Variants in ABCA13 observed in about 807,000 individuals in gnomAD.
ABCA13 encodes ATP binding cassette subfamily A member 13.
A neutral mutation model predicts 478.7 loss-of-function variants in ABCA13; 476 were observed. The ratio of observed to expected loss-of-function variants is 0.99; its 90% confidence interval spans 0.92 to 1.07. The LOEUF (loss-of-function observed/expected upper bound fraction) is 1.07. Ranked by LOEUF, ABCA13 falls within the 50% of genes least tolerant of loss-of-function variation. ABCA13 has a pLI of 0.00. For missense variants in ABCA13, 6,060 were observed against 5,910.6 expected, an observed-to-expected ratio of 1.03 and a Z score of -0.83; for synonymous variants, 2,252 against 2,158.9, an observed-to-expected ratio of 1.04 and a Z score of -1.20.
intron 43 of ABCA13, among the ~76,000 whole-genome samples, chr7:48,464,924 T>C (rs187252533): frequency 6.6e-6 from 1 of 152,306 alleles, no homozygotes; most frequent in East Asian, 1.9e-4. Context: ...GGACTTATTA[T>C]GGAATCGGTG....
chr7:48,623,197 A>G (rs2131600823), intron 59 of ABCA13, among the ~76,000 whole-genome samples: 1 of 152,284 alleles, frequency 6.6e-6, no homozygotes, highest in East Asian at 1.9e-4. Flanking sequence ...CAAAATTTTA[A>G]TATCTTTTCC....
intron 29 of ABCA13, among the ~76,000 whole-genome samples, chr7:48,339,790 A>ATGT (rs1806840013): frequency 6.6e-6 from 1 of 152,094 alleles, no homozygotes; most frequent in Non-Finnish European, 1.5e-5. Flanking sequence ...ATCCAGGTGA[A>ATGT]TGTTGGTTAT....
At chr7:48,291,482 C>T (rs1019767268) in intron 20 of ABCA13, among the ~76,000 whole-genome samples, 17 of 152,012 alleles carry the variant, frequency 1.1e-4, no homozygotes, top group East Asian at 7.7e-4. Flanking sequence ...GAGCTGGGGA[C>T]GGGTTAGGTT....
At chr7:48,356,789 A>G (rs1467298991) in intron 31 of ABCA13, among the ~76,000 whole-genome samples, 4 of 151,984 alleles carry the variant, frequency 2.6e-5, no homozygotes, top group Non-Finnish European at 2.9e-5. Flanking sequence ...GGCAGTTATC[A>G]TAGAATAATT....
At position 48,229,690 on chromosome 7, in the gene ABCA13, A is replaced by G. The variant is rs1788765531; in HGVS notation, c.633-135A>G. 7.2e-6 allele frequency: 7 copies of G among 966,154 alleles called. No homozygotes were observed. The East Asian group carries it at 1.7e-4, about 24-fold the overall frequency. The allele number at this position is 966,154 out of a possible 1,614,324, so 59.8% of individuals were successfully genotyped here. ...CACATTAAAGCCACAAAGAATGCTG[A>G]CATGTAAATGGTCCAGCCACATCTT... On this transcript the variant is annotated intron_variant, in intron 6 of 61. Coordinates refer to ENST00000435803, the MANE Select transcript of ABCA13 (RefSeq NM_152701.5).
chr7:48,623,405 A>G (rs192094012), intron 59 of ABCA13, among the ~76,000 whole-genome samples: 62 of 152,314 alleles, frequency 4.1e-4, no homozygotes, highest in African/African-American at 1.3e-3. Flanking sequence ...TGATGATAAC[A>G]TAATCGATTT....
At chr7:48,239,075 C>G (rs1167978218) in intron 8 of ABCA13, among the ~76,000 whole-genome samples, 166 bp from the exon 9 acceptor site, 2 of 151,728 alleles carry the variant, frequency 1.3e-5, no homozygotes, top group African/African-American at 4.8e-5. Flanking sequence ...TTTTTTTTAA[C>G]TACCAAGTCT....
In ABCA13 at chr7:48,536,625, G is replaced by A. The variant is rs996439922; in HGVS notation, c.14354+8280G>A. On this transcript the variant is annotated intron_variant, in intron 55 of 61. Coordinates refer to ENST00000435803, the MANE Select transcript of ABCA13 (RefSeq NM_152701.5). ...ATCACACCACTGCACCCCAGCCTGGGTGACAGAGTGAGACTCCATCTCAAA... is the reference window on the plus strand; with the variant it reads ...ATCACACCACTGCACCCCAGCCTGGATGACAGAGTGAGACTCCATCTCAAA... Among the ~76,000 whole-genome samples the A allele has an allele frequency of 2.6e-5, 4 of 151,294 alleles. 1 individual carries two copies. Among genetic ancestry groups the A allele is most frequent in the African/African-American group, 9.7e-5 (4 of 41,072 alleles).
intron 2 of ABCA13, 59 bp from the exon 3 acceptor site, chr7:48,198,178 G>A: frequency 6.6e-7 from 1 of 1,516,428 alleles, no homozygotes; most frequent in Non-Finnish European, 8.9e-7. Context: ...CAACTCAACA[G>A]GAATTCCATT....
chr7:48,233,917 C>T (rs1332522352), intron 7 of ABCA13, 101 bp from the exon 8 acceptor site: 4 of 1,374,460 alleles, frequency 2.9e-6, no homozygotes, highest in Non-Finnish European at 3.9e-6. Context: ...TTCATTTGCT[C>T]TTCCTTTAGA....
chr7:48,388,697 A>T (rs1388525688), intron 36 of ABCA13, among the ~76,000 whole-genome samples: 1 of 152,200 alleles, frequency 6.6e-6, no homozygotes, highest in Admixed American at 6.5e-5. Flanking sequence ...ATCCACTCTC[A>T]CGTCCTCAGG....
intron 22 of ABCA13, among the ~76,000 whole-genome samples, chr7:48,297,940 A>ATTTTTTTTTTTT (rs35586036): frequency 7.6e-6 from 1 of 131,276 alleles, no homozygotes; most frequent in African/African-American, 2.8e-5. Flanking sequence ...ATGCCCGGCT[A>ATTTTTTTTTTTT]TTTTTTTTTT....
At position 48,193,043 on chromosome 7, in the gene ABCA13, AG is replaced by A; in HGVS notation, c.155del (p.Arg52LysfsTer64). On this transcript the variant is annotated frameshift_variant, in exon 2 of 62. Coordinates refer to ENST00000435803, the MANE Select transcript of ABCA13 (RefSeq NM_152701.5). LOFTEE classifies it high-confidence loss of function. Reference sequence around the variant, plus strand: ...TCGTTTTCAAGAACCTCCCAGATACAGAGACATTTGTAAGTTTCACTTTTTA... The same window carrying A: ...TCGTTTTCAAGAACCTCCCAGATACAAGACATTTGTAAGTTTCACTTTTTA... Reference protein sequence around the residue: ...VLRFQEPPRYRDICYLQPRDL... With the variant: ...VLRFQEPPRYXDICYLQPRDL... 1.3e-6 allele frequency: 2 copies of A among 1,533,530 alleles called. No homozygotes were observed. The highest frequency in any genetic ancestry group is 1.7e-6 in the Non-Finnish European group (2 of 1,145,148). The allele number at this position is 1,533,530 out of a possible 1,614,324, so 95.0% of individuals were successfully genotyped here.
chr7:48,197,192 C>T (rs571973605), intron 2 of ABCA13, among the ~76,000 whole-genome samples: 1 of 152,274 alleles, frequency 6.6e-6, no homozygotes, highest in African/African-American at 2.4e-5. Context: ...GCTGCTTCCT[C>T]GAGCTACATA....
chr7:48,312,826 A>C (rs1394104018), intron 24 of ABCA13, among the ~76,000 whole-genome samples: 1 of 152,270 alleles, frequency 6.6e-6, no homozygotes, highest in Non-Finnish European at 1.5e-5. Context: ...TTTTAATGAT[A>C]GATCACATTT....
intron 19 of ABCA13, among the ~76,000 whole-genome samples, chr7:48,286,694 G>A (rs1258526724): frequency 2.0e-5 from 3 of 151,940 alleles, no homozygotes; most frequent in South Asian, 4.2e-4. Flanking sequence ...TAGTAGAGAC[G>A]GGGTTTTACC....
chr7:48,569,454 G>T (rs1045270779), intron 55 of ABCA13, among the ~76,000 whole-genome samples: 6 of 152,052 alleles, frequency 3.9e-5, no homozygotes, highest in African/African-American at 1.4e-4. Flanking sequence ...TTTAATTTTA[G>T]TCCATTGTAG....
chr7:48,560,164 T>C (rs1786300216), intron 55 of ABCA13, among the ~76,000 whole-genome samples: 1 of 152,160 alleles, frequency 6.6e-6, no homozygotes, highest in Non-Finnish European at 1.5e-5. Context: ...TAGCCAGAGA[T>C]GGTAAGGCTT....
chr7:48,362,143 T>C (rs533605271), intron 31 of ABCA13, among the ~76,000 whole-genome samples: 1 of 152,092 alleles, frequency 6.6e-6, no homozygotes, highest in Admixed American at 6.5e-5. Context: ...CTGTGTTATT[T>C]TTGTTATGTA....
Sources: allele counts gnomAD v4.1 joint callset (sites outside exome capture counted in the v4.1 genomes callset), GRCh38; gene constraint gnomAD v4.1.1; transcripts MANE v1.5; gene names NCBI Gene and HGNC (gene_info 2026-07-23, HGNC 2026-07-21).